Variants in DPRX observed in about 807,000 individuals in gnomAD.
The protein encoded by DPRX is divergent paired-related homeobox.
A neutral mutation model predicts 8.4 loss-of-function variants in DPRX; 11 were observed. The observed-to-expected ratio is 1.31, with a 90% CI of 0.82 to 2.17. The LOEUF is 2.17. Among genes scored for constraint, DPRX ranks in the 30% most tolerant of loss-of-function variants. The pLI is 0.00. For synonymous variants in DPRX, 72 were observed against 87.0 expected (o/e 0.83, Z 0.96); for missense variants, 211 against 236.7 (o/e 0.89, Z 0.71).
At chr19:53,620,874 G>A in the DPRX span, among the ~76,000 whole-genome samples, 4,377 of 151,688 alleles carry the variant, frequency 0.029, 218 homozygotes, top group African/African-American at 0.1. Flanking sequence ...GATTACAGGC[G>A]TGGGCCACCA....
the DPRX span, chr19:53,602,011 G>T: frequency 6.6e-6 from 3 of 456,288 alleles, no homozygotes; most frequent in African/African-American, 4.0e-5. Flanking sequence ...AAGTAAAGAG[G>T]AGTGTTGCTC....
At chr19:53,631,976 C>A, upstream of DPRX, 1 of 1,214,776 alleles carries the variant, frequency 8.2e-7, no homozygotes. Context: ...ATATTGGAGG[C>A]AGATAGGGCA....
chr19:53,609,466 C>CAAAA, the DPRX span, among the ~76,000 whole-genome samples: 316 of 55,496 alleles, frequency 5.7e-3, 4 homozygotes, highest in Non-Finnish European at 8.1e-3. Flanking sequence ...GACTCGGTCT[C>CAAAA]AAAAAAAAAA....
chr19:53,631,969 T>C (rs907666515), upstream of DPRX: 97 of 1,145,966 alleles, frequency 8.5e-5, no homozygotes, highest in African/African-American at 1.1e-3. Context: ...AGGGATCATA[T>C]TGGAGGCAGA....
upstream of DPRX, among the ~76,000 whole-genome samples, chr19:53,630,421 G>A (rs2091088190): frequency 6.6e-6 from 1 of 151,890 alleles, no homozygotes; most frequent in Admixed American, 6.6e-5. Flanking sequence ...GTATGGTAGT[G>A]TGCACCTGTA....
chr19:53,621,003 A>G, the DPRX span, among the ~76,000 whole-genome samples: 1 of 152,194 alleles, frequency 6.6e-6, no homozygotes, highest in Non-Finnish European at 1.5e-5. Flanking sequence ...GAATCAAGTG[A>G]GTCTCTGCTT....
the DPRX span, among the ~76,000 whole-genome samples, chr19:53,623,138 T>C: frequency 6.6e-6 from 1 of 150,970 alleles, no homozygotes; most frequent in African/African-American, 2.4e-5. Flanking sequence ...ACCCTGTATC[T>C]ACCAAAAATA....
chr19:53,602,785 C>G, the DPRX span, among the ~76,000 whole-genome samples: 374 of 151,722 alleles, frequency 2.5e-3, 8 homozygotes, highest in East Asian at 0.065. Flanking sequence ...CACTCCCCCC[C>G]GGCACCCGGC....
chr19:53,605,956 A>G, the DPRX span, among the ~76,000 whole-genome samples: 31 of 152,328 alleles, frequency 2.0e-4, no homozygotes, highest in African/African-American at 7.2e-4. Flanking sequence ...GGCGTGAGCC[A>G]CTGAGCCTAG....
the DPRX span, chr19:53,602,273 T>TGTGTGG: frequency 7.6e-6 from 1 of 132,402 alleles, no homozygotes; most frequent in South Asian, 7.2e-5. Context: ...TATGGGTGTG[T>TGTGTGG]GTGTGTGTGT....
chr19:53,608,422 C>T, the DPRX span: 14 of 152,566 alleles, frequency 9.2e-5, no homozygotes, highest in African/African-American at 3.4e-4. Flanking sequence ...CCCAGGCTGA[C>T]TCCCGAGCTC....
the DPRX span, among the ~76,000 whole-genome samples, chr19:53,625,220 G>GA: frequency 6.6e-6 from 1 of 151,768 alleles, no homozygotes. Flanking sequence ...CTGGCTAATT[G>GA]AAAAATTTTT....
At chr19:53,603,729 CT>C in the DPRX span, among the ~76,000 whole-genome samples, 11 of 151,362 alleles carry the variant, frequency 7.3e-5, no homozygotes, top group Admixed American at 6.6e-4. Context: ...TCTTTTTTTC[CT>C]TTTTTTCTTT....
the DPRX span, chr19:53,601,424 C>T: frequency 2.2e-6 from 1 of 451,172 alleles, no homozygotes; most frequent in East Asian, 7.0e-5. Flanking sequence ...GCAAGGGACC[C>T]TTATTCCAAG....
the DPRX span, among the ~76,000 whole-genome samples, chr19:53,611,642 A>C: frequency 6.6e-6 from 1 of 152,192 alleles, no homozygotes; most frequent in Non-Finnish European, 1.5e-5. Flanking sequence ...ATGCTTAAGG[A>C]GGAGAAGAAT....
the DPRX span, among the ~76,000 whole-genome samples, chr19:53,620,155 C>T: frequency 8.6e-3 from 1,299 of 151,740 alleles, 25 homozygotes; most frequent in African/African-American, 0.029. Flanking sequence ...CTGCAAGCTC[C>T]GCCTCCCGGG....
chr19:53,626,703 G>T, the DPRX span, among the ~76,000 whole-genome samples: 1 of 152,086 alleles, frequency 6.6e-6, no homozygotes, highest in African/African-American at 2.4e-5. Flanking sequence ...CTCATGGGCC[G>T]TCTCAAGCAC....
upstream of DPRX, among the ~76,000 whole-genome samples, chr19:53,631,405 G>A (rs989537613): frequency 5.9e-5 from 9 of 152,162 alleles, no homozygotes; most frequent in Admixed American, 6.6e-5. Flanking sequence ...TAAGTTGCCT[G>A]AAAGCCCCTT....
chr19:53,614,688 A>G, the DPRX span, among the ~76,000 whole-genome samples: 1 of 152,140 alleles, frequency 6.6e-6, no homozygotes, highest in Non-Finnish European at 1.5e-5. Context: ...TTTGGGTCCT[A>G]TCTAGCAAAT....
Sources: gnomAD v4.1 joint callset for allele counts (sites outside exome capture counted in the v4.1 genomes callset) on GRCh38, gnomAD v4.1.1 for gene constraint, MANE v1.5 for transcripts, NCBI Gene and HGNC (gene_info 2026-07-23, HGNC 2026-07-21) for gene names.